Variants in PCDHGA3 observed in about 807,000 individuals in gnomAD.
PCDHGA3 encodes protocadherin gamma subfamily A, 3, also known as protocadherin gamma-A3.
A neutral mutation model predicts 58.5 loss-of-function variants in PCDHGA3; 40 were observed. That is an observed-to-expected ratio of 0.68 (90% CI 0.53 to 0.89). The LOEUF is 0.89. Among genes scored for constraint, PCDHGA3 ranks in the 40% least tolerant of loss-of-function variants. The pLI, the probability that PCDHGA3 is intolerant of heterozygous loss-of-function variation, is 0.00. For synonymous variants in PCDHGA3, 530 were observed against 525.7 expected (o/e 1.01, Z -0.11); for missense variants, 1,223 against 1,195.9 (o/e 1.02, Z -0.33).
At chr5:141,426,825 A>G (rs747894160) in intron 1 of PCDHGA3, 26 of 456,582 alleles carry the variant, frequency 5.7e-5, no homozygotes, top group Non-Finnish European at 9.3e-5. Context: ...CTCTCTGATG[A>G]TGGACAAGAC....
chr5:141,508,737 C>T (rs919094477), intron 3 of PCDHGA3, among the ~76,000 whole-genome samples: 1 of 152,010 alleles, frequency 6.6e-6, no homozygotes, highest in Non-Finnish European at 1.5e-5. Flanking sequence ...CTACACCCCC[C>T]ACCCCGCTCT....
chr5:141,492,464 C>G (rs1595116794), intron 1 of PCDHGA3, among the ~76,000 whole-genome samples: 1 of 152,354 alleles, frequency 6.6e-6, no homozygotes, highest in Non-Finnish European at 1.5e-5. Context: ...GCCTGAGGGT[C>G]CCAGATCGCG....
chr5:141,460,983 G>A (rs12516231), intron 1 of PCDHGA3, among the ~76,000 whole-genome samples: 37,603 of 137,412 alleles, frequency 0.27, 5,103 homozygotes, highest in Admixed American at 0.34. Flanking sequence ...GTGTGTGTGT[G>A]TATATATATA....
At chr5:141,497,143 GA>G (rs928640875) in intron 2 of PCDHGA3, among the ~76,000 whole-genome samples, 7 of 149,992 alleles carry the variant, frequency 4.7e-5, no homozygotes, top group African/African-American at 9.8e-5. Context: ...CTGAGATCAC[GA>G]AAAAAAAATA....
chr5:141,453,050 C>A (rs2098754757), intron 1 of PCDHGA3, among the ~76,000 whole-genome samples: 3 of 152,006 alleles, frequency 2.0e-5, no homozygotes, highest in Non-Finnish European at 4.4e-5. Context: ...CTATTATGTG[C>A]AGTTTTAGAG....
rs758599120 is a variant in PCDHGA3 at position 141,414,165 on chromosome 5, A to G, written c.2424+67708A>G. On this transcript the variant is annotated intron_variant, in intron 1 of 3. Transcript: ENST00000253812. The stretch of plus-strand genomic sequence containing the variant: ...AAATACAAGCAGAAGATGGAGGAGC[A>G]TATCTTGCAACTGCAAAAGTGTTGA... 8 of 1,604,890 alleles carry G rather than the reference A, an allele frequency of 5.0e-6. No homozygotes were observed. The highest frequency in any genetic ancestry group is 2.2e-5 in the South Asian group (2 of 89,922).
intron 1 of PCDHGA3, chr5:141,384,587 T>C: frequency 6.2e-7 from 1 of 1,614,218 alleles, no homozygotes; most frequent in Non-Finnish European, 8.5e-7. Flanking sequence ...CCCGAGATCC[T>C]GTACCCGGCC....
chr5:141,351,168 T>C (rs1758662853), intron 1 of PCDHGA3: 1 of 1,613,866 alleles, frequency 6.2e-7, no homozygotes, highest in African/African-American at 1.3e-5. Flanking sequence ...AATGGCACAT[T>C]GGATTTTGAA....
intron 1 of PCDHGA3, chr5:141,376,199 G>A: frequency 6.2e-7 from 1 of 1,614,162 alleles, no homozygotes; most frequent in Non-Finnish European, 8.5e-7. Flanking sequence ...CGTCTTCCTG[G>A]CCTTCGTCAT....
chr5:141,347,027 C>T (rs1757847574), intron 1 of PCDHGA3, among the ~76,000 whole-genome samples: 2 of 149,848 alleles, frequency 1.3e-5, no homozygotes, highest in African/African-American at 4.9e-5. Flanking sequence ...CTCTTTCCTC[C>T]TTCCTTCCTT....
In PCDHGA3 at chr5:141,476,254, T is replaced by C; in HGVS notation, c.2425-18553T>C. 1.2e-6 allele frequency: 2 copies of C among 1,613,820 alleles called. No individual in the cohort carries two copies. Among genetic ancestry groups the C allele is most frequent in the Non-Finnish European group, 8.5e-7 (1 of 1,179,976 alleles). On this transcript the variant is annotated intron_variant, in intron 1 of 3. Transcript: ENST00000253812. The surrounding 1 kb of genome is among the most constrained non-coding windows in gnomAD (Gnocchi z 7.6). ...CGGAGGAAAGAGAGAAGGGTTTCGCTGTGGGCAACGTGGTCGCGAACCTTG... is the reference window on the plus strand; with the variant it reads ...CGGAGGAAAGAGAGAAGGGTTTCGCCGTGGGCAACGTGGTCGCGAACCTTG...
At chr5:141,376,108 G>A (rs368739165) in intron 1 of PCDHGA3, 172 of 1,613,770 alleles carry the variant, frequency 1.1e-4, no homozygotes, top group Middle Eastern at 1.0e-3. Context: ...TGGCCGACCT[G>A]GGCAGCCTCG....
chr5:141,444,035 T>C (rs928920813), intron 1 of PCDHGA3, among the ~76,000 whole-genome samples: 1 of 151,694 alleles, frequency 6.6e-6, no homozygotes, highest in Non-Finnish European at 1.5e-5. Context: ...ATTCAGTAAA[T>C]CAGATAATTT....
chr5:141,352,785 T>A, intron 1 of PCDHGA3: 1 of 1,073,222 alleles, frequency 9.3e-7, no homozygotes, highest in Non-Finnish European at 1.3e-6. Context: ...AGGTCAGGAG[T>A]TTGAGACCAG....
chr5:141,478,145 T>C (rs1252008984), intron 1 of PCDHGA3: 1 of 1,614,026 alleles, frequency 6.2e-7, no homozygotes. Context: ...CCGAGCCGAG[T>C]TCCCCTCTGG....
At position 141,432,225 on chromosome 5, in the gene PCDHGA3, A is replaced by T; in HGVS notation, c.2425-62582A>T. On this transcript the variant is annotated intron_variant, in intron 1 of 3. Transcript: ENST00000253812. This position sits in a 1 kb window ranked among gnomAD's most constrained non-coding sequence, Gnocchi z 6.0. ...TGTGAAGAGAACGCCCAGATCACTT[A>T]TTCCCTGGCTGAGAACACCATCCAA... The T allele has an allele frequency of 1.2e-6, 2 of 1,614,206 alleles. No individual in the cohort carries two copies. Among genetic ancestry groups the T allele is most frequent in the South Asian group, 2.2e-5 (2 of 91,080 alleles).
At chr5:141,473,283 A>G (rs2099318531) in intron 1 of PCDHGA3, among the ~76,000 whole-genome samples, 1 of 152,324 alleles carries the variant, frequency 6.6e-6, no homozygotes, top group Non-Finnish European at 1.5e-5. Flanking sequence ...TTATTTTACT[A>G]TGTCAGTAGC....
At chr5:141,478,117 C>T (rs1419172538) in intron 1 of PCDHGA3, 2 of 1,614,058 alleles carry the variant, frequency 1.2e-6, no homozygotes, top group East Asian at 4.5e-5. Flanking sequence ...TGTCAGTAAC[C>T]GAGGACTCTC....
At chr5:141,370,928 C>T in intron 1 of PCDHGA3, 1 of 1,613,992 alleles carries the variant, frequency 6.2e-7, no homozygotes, top group Non-Finnish European at 8.5e-7. Context: ...ATCCGCACTT[C>T]TCTTTGATTC....
Sources: gnomAD v4.1 joint callset for allele counts (sites outside exome capture counted in the v4.1 genomes callset) on GRCh38, gnomAD v4.1.1 for gene constraint, Gnocchi (gnomAD v3.1) non-coding constraint, MANE v1.5 for transcripts, NCBI Gene and HGNC (gene_info 2026-07-23, HGNC 2026-07-21) for gene names.